Variants in CDKL5 observed in about 807,000 individuals in gnomAD.
The protein encoded by CDKL5 is cyclin-dependent kinase-like 5.
In CDKL5, 8 loss-of-function variants were observed where a neutral mutation model predicts 61.7. The observed-to-expected ratio is 0.13, with a 90% CI of 0.08 to 0.23. CDKL5 has a LOEUF of 0.23. Among genes scored for constraint, CDKL5 ranks in the 10% least tolerant of loss-of-function variants. The pLI is 1.00. For synonymous variants in CDKL5, 275 were observed against 272.3 expected (o/e 1.01, Z -0.10); for missense variants, 440 against 734.5 (o/e 0.60, Z 4.63).
Position 18,611,351 on chromosome X carries a change from C to T in CDKL5, c.2152+1781C>T, listed in dbSNP as rs771038334. On this transcript the variant is annotated intron_variant, in intron 14 of 17. Coordinates refer to ENST00000623535, the MANE Select transcript of CDKL5 (RefSeq NM_001323289.2). ...TTGGGAGGCTGAGGCAGAAGAATGG[C>T]GTGAACCCGGGAGGCGGAGCTTGCA... Among the ~76,000 whole-genome samples, 21 of 107,698 alleles carry T rather than the reference C, an allele frequency of 1.9e-4. No homozygotes were observed. The South Asian group carries it at 8.0e-3, about 41-fold the overall frequency. The allele number at this position is 107,698 out of a possible 115,157, so 93.5% of individuals were successfully genotyped here. A position where few individuals can be genotyped will look rare whatever the true frequency, so the allele number is the denominator to read the frequency against.
chrX:18,566,124 G>A (rs1251498537), intron 4 of CDKL5, among the ~76,000 whole-genome samples: 3 of 112,056 alleles, frequency 2.7e-5, no homozygotes, highest in African/African-American at 9.7e-5. Context: ...ATCAAATTTT[G>A]TAAAAAGTAC....
intron 20 of CDKL5, among the ~76,000 whole-genome samples, chrX:18,646,314 C>T (rs898670698): frequency 9.0e-5 from 10 of 111,168 alleles, no homozygotes; most frequent in Non-Finnish European, 1.3e-4. Flanking sequence ...CCACCATGCC[C>T]GGCTAATTTT....
At chrX:18,587,657 T>C (rs1925683999) in intron 8 of CDKL5, 1 of 286,610 alleles carries the variant, frequency 3.5e-6, no homozygotes, top group South Asian at 5.5e-5. Flanking sequence ...TTGCCAGATA[T>C]GTATACTGTA....
intron 1 of CDKL5, among the ~76,000 whole-genome samples, chrX:18,434,657 G>A (rs1237138460): frequency 8.9e-6 from 1 of 112,027 alleles, no homozygotes; most frequent in Non-Finnish European, 1.9e-5. Flanking sequence ...GCCAGGCATG[G>A]TGGCTCATGC....
chrX:18,573,983 A>G (rs756922575), intron 4 of CDKL5, among the ~76,000 whole-genome samples: 1 of 111,644 alleles, frequency 9.0e-6, no homozygotes, highest in East Asian at 2.8e-4. Context: ...CTCCCTTTGG[A>G]ATCCATTCAG....
chrX:18,603,960 A>C lies in CDKL5; in HGVS notation c.1036A>C (p.Ile346Leu). 8.3e-7 allele frequency: 1 copy of C among 1,210,853 alleles called. No homozygotes were observed. Among genetic ancestry groups the C allele is most frequent in the South Asian group, 1.8e-5 (1 of 56,970 alleles). Residue 346 changes from isoleucine (I) to leucine (L), a missense_variant, in exon 12 of 18, where the codon ATC (isoleucine) becomes CTC (leucine). This residue lies in a region of CDKL5 where 363 missense variants were observed against 516.3 expected (regional missense o/e 0.70). Coordinates refer to ENST00000623535, the MANE Select transcript of CDKL5 (RefSeq NM_001323289.2). Reference protein sequence around the residue: ...QSHHRSNSKDIQNLSVGLPRA... With the variant: ...QSHHRSNSKDLQNLSVGLPRA... ...TCACCACAGATCTAACAGCAAGGAC[A>C]TCCAGAACCTGAGTGTAGGCCTGCC... is the stretch of plus-strand genomic sequence containing the variant.
At chrX:18,564,741 A>T (rs905524057) in intron 4 of CDKL5, among the ~76,000 whole-genome samples, 2 of 110,581 alleles carry the variant, frequency 1.8e-5, no homozygotes, top group Admixed American at 1.9e-4. Flanking sequence ...TTCAAATCTC[A>T]TGATATTAGA....
intron 1 of CDKL5, among the ~76,000 whole-genome samples, chrX:18,445,507 G>T (rs1259111425): frequency 1.8e-5 from 2 of 111,865 alleles, no homozygotes; most frequent in Admixed American, 1.9e-4. Flanking sequence ...TCTTTCCCAT[G>T]CACAGGCTTC....
chrX:18,652,580 A>G (rs1490956004), intron 21 of CDKL5, among the ~76,000 whole-genome samples: 1 of 111,544 alleles, frequency 9.0e-6, no homozygotes, highest in Non-Finnish European at 1.9e-5. Flanking sequence ...GAAACAGGAG[A>G]ATCGCTTGAA....
intron 16 of CDKL5, among the ~76,000 whole-genome samples, chrX:18,622,420 A>G (rs1210034735): frequency 1.8e-5 from 2 of 112,262 alleles, no homozygotes; most frequent in Non-Finnish European, 3.8e-5. Flanking sequence ...AAGAGCGCTC[A>G]GTACAGCCTT....
At chrX:18,545,761 T>C (rs1281791905) in intron 3 of CDKL5, among the ~76,000 whole-genome samples, 1 of 112,515 alleles carries the variant, frequency 8.9e-6, no homozygotes, top group African/African-American at 3.2e-5. Context: ...TTAATTTGCA[T>C]GTTTTCATAC....
At chrX:18,456,486 T>C (rs929865226) in intron 1 of CDKL5, among the ~76,000 whole-genome samples, 2 of 112,479 alleles carry the variant, frequency 1.8e-5, no homozygotes, top group Non-Finnish European at 3.8e-5. Flanking sequence ...TTATATTCCA[T>C]ATGTCAAAGA....
At chrX:18,541,271 CTGTT>C (rs770144618) in intron 3 of CDKL5, among the ~76,000 whole-genome samples, 6 of 111,857 alleles carry the variant, frequency 5.4e-5, no homozygotes, top group Admixed American at 4.7e-4. Flanking sequence ...CAGCTCTACT[CTGTT>C]TGTCCCATCC....
At position 18,632,547 on chromosome X, in the gene CDKL5, A is replaced by C. The variant is rs1927265476; in HGVS notation, c.*3790A>C. 3 of 753,487 alleles carry C rather than the reference A, an allele frequency of 4.0e-6. No individual in the cohort carries two copies. The highest frequency in any genetic ancestry group is 4.7e-6 in the Non-Finnish European group (3 of 638,461). The allele number at this position is 753,487 out of a possible 1,213,427, so 62.1% of individuals were successfully genotyped here. A position where few individuals can be genotyped will look rare whatever the true frequency, so the allele number is the denominator to read the frequency against. On this transcript the variant is annotated 3_prime_UTR_variant, in exon 18 of 18. Coordinates refer to ENST00000623535, the MANE Select transcript of CDKL5 (RefSeq NM_001323289.2). ...TATTAGCATATGGCAGACCAATTAGAAGCAAAAAAGTCCGTATTGGTGGTT... is the reference window on the plus strand; with the variant it reads ...TATTAGCATATGGCAGACCAATTAGCAGCAAAAAAGTCCGTATTGGTGGTT...
intron 4 of CDKL5, among the ~76,000 whole-genome samples, chrX:18,572,059 G>A (rs1348766117): frequency 2.7e-5 from 3 of 111,784 alleles, no homozygotes; most frequent in Non-Finnish European, 5.6e-5. Context: ...GTTCCATGAG[G>A]TTTAGGCTCA....
At chrX:18,447,357 A>T (rs760735230) in intron 1 of CDKL5, among the ~76,000 whole-genome samples, 1 of 111,134 alleles carries the variant, frequency 9.0e-6, no homozygotes, top group South Asian at 3.8e-4. Context: ...CCTGAACCAC[A>T]TGTCCAATCC....
chrX:18,631,233 C>T lies in CDKL5; in HGVS notation c.*2476C>T, dbSNP rs886708994. The T allele has an allele frequency of 7.9e-5, 59 of 750,733 alleles. 1 individual carries two copies. The highest frequency in any genetic ancestry group is 8.8e-5 in the Non-Finnish European group (56 of 637,473). 61.9% of individuals were successfully genotyped at this position (750,733 alleles called of 1,213,427 possible). ...AAACCTAATTGTTGAAGAGTCAATACGTACTTTTTGTACTTTCCCAGATTT... is the reference window on the plus strand; with the variant it reads ...AAACCTAATTGTTGAAGAGTCAATATGTACTTTTTGTACTTTCCCAGATTT... On this transcript the variant is annotated 3_prime_UTR_variant, in exon 18 of 18. Coordinates refer to ENST00000623535, the MANE Select transcript of CDKL5 (RefSeq NM_001323289.2).
At chrX:18,448,001 C>T (rs1336299322) in intron 1 of CDKL5, among the ~76,000 whole-genome samples, 1 of 110,700 alleles carries the variant, frequency 9.0e-6, no homozygotes, top group East Asian at 2.8e-4. Flanking sequence ...ATCCAACTGC[C>T]TTGACCTCCC....
chrX:18,478,877 C>T (rs1015574673), intron 1 of CDKL5, among the ~76,000 whole-genome samples: 5 of 107,633 alleles, frequency 4.6e-5, no homozygotes, highest in African/African-American at 1.0e-4. Context: ...CACCATGCCC[C>T]GCCAATTTTT....
Sources: allele counts gnomAD v4.1 joint callset (sites outside exome capture counted in the v4.1 genomes callset), GRCh38; gene constraint gnomAD v4.1.1; regional missense constraint gnomAD v4.1.1; transcripts MANE v1.5; gene names NCBI Gene and HGNC (gene_info 2026-07-23, HGNC 2026-07-21).